TCERG1L: variants seen among roughly 807,000 people sequenced by gnomAD.
TCERG1L encodes the protein transcription elongation regulator 1-like protein.
In TCERG1L, 37 loss-of-function variants were observed where a neutral mutation model predicts 56.3. The observed-to-expected ratio is 0.66, with a 90% CI of 0.51 to 0.87. The LOEUF (loss-of-function observed/expected upper bound fraction) is 0.87, where lower values mean the gene tolerates loss of function less well. Among genes scored for constraint, TCERG1L ranks in the 40% least tolerant of loss-of-function variants. The pLI is 0.00. For missense variants in TCERG1L, 799 were observed against 774.2 expected (o/e 1.03, Z -0.38); for synonymous variants, 324 against 326.3 (o/e 0.99, Z 0.08).
chr10:131,208,820 G>A (rs944858951), intron 4 of TCERG1L, among the ~76,000 whole-genome samples: 2 of 152,188 alleles, frequency 1.3e-5, no homozygotes, highest in Admixed American at 6.5e-5. Context: ...CACTTTGGGA[G>A]ACCGAGGCGG....
chr10:131,220,472 GGC>G (rs1378905758), intron 4 of TCERG1L, among the ~76,000 whole-genome samples: 1 of 152,218 alleles, frequency 6.6e-6, no homozygotes, highest in Non-Finnish European at 1.5e-5. Context: ...GGGATCCCAG[GGC>G]TCCGTTCCTG....
chr10:131,188,733 T>G (rs1845273535), intron 4 of TCERG1L, among the ~76,000 whole-genome samples: 1 of 152,156 alleles, frequency 6.6e-6, no homozygotes, highest in Non-Finnish European at 1.5e-5. Flanking sequence ...AATTTAATTC[T>G]GAATAGACCA....
chr10:131,139,993 G>A (rs947484363), intron 7 of TCERG1L, among the ~76,000 whole-genome samples: 6 of 152,158 alleles, frequency 3.9e-5, no homozygotes, highest in African/African-American at 1.4e-4. Flanking sequence ...GTGAGTGGTG[G>A]GGAATATACC....
At chr10:131,137,405 C>T (rs1467827286) in intron 7 of TCERG1L, among the ~76,000 whole-genome samples, 1 of 152,234 alleles carries the variant, frequency 6.6e-6, no homozygotes, top group Non-Finnish European at 1.5e-5. Context: ...CATTCGGAGG[C>T]ACCGGGGCCT....
rs1030597673 is a variant in TCERG1L, at chr10:131,159,190, G to C, written c.1034+3932C>G. ...CCTTTCTCCTTTCTGTCAGCTCAGG[G>C]CAAACAGGCAAACCACACTGTGCCC... On this transcript the variant is annotated intron_variant, in intron 6 of 11. Transcript: ENST00000368642. 9.2e-5 allele frequency among the ~76,000 whole-genome samples: 14 copies of C among 152,220 alleles called. 1 individual carries two copies. Among genetic ancestry groups the C allele is most frequent in the Admixed American group, 2.6e-4 (4 of 15,286 alleles).
chr10:131,239,479 T>C (rs989283916), intron 4 of TCERG1L, among the ~76,000 whole-genome samples: 1 of 152,246 alleles, frequency 6.6e-6, no homozygotes, highest in Non-Finnish European at 1.5e-5. Context: ...TTTTACAGAT[T>C]TTGACAAGTG....
At chr10:131,248,875 G>T (rs1254700885) in intron 4 of TCERG1L, among the ~76,000 whole-genome samples, 1 of 152,204 alleles carries the variant, frequency 6.6e-6, no homozygotes, top group Non-Finnish European at 1.5e-5. Context: ...TTGTCTCAGA[G>T]TCGGCTTCTG....
chr10:131,255,410 T>C lies in TCERG1L; in HGVS notation c.856+4849A>G, dbSNP rs76066372. 7.9e-3 allele frequency among the ~76,000 whole-genome samples: 1,211 copies of C among 152,366 alleles called. 23 individuals carry two copies. The highest frequency in any genetic ancestry group is 0.027 in the African/African-American group (1,133 of 41,578). On this transcript the variant is annotated intron_variant, in intron 4 of 11. Transcript: ENST00000368642. Reference sequence around the variant, plus strand: ...ACATATTGTCTAGAGATAATGCATATGCATATGGTAAACATATATTTTTAA... The same window carrying C: ...ACATATTGTCTAGAGATAATGCATACGCATATGGTAAACATATATTTTTAA...
intron 3 of TCERG1L, among the ~76,000 whole-genome samples, chr10:131,285,530 AAGAAAAGAAAAG>A (rs1846526355): frequency 8.1e-5 from 4 of 49,372 alleles, no homozygotes; most frequent in African/African-American, 2.1e-4. Flanking sequence ...GAAAGAGAGA[AAGAAAAGAAAAG>A]AAAGAAAGGA....
At chr10:131,097,638 C>T (rs1291800032) in intron 11 of TCERG1L, among the ~76,000 whole-genome samples, 1 of 152,206 alleles carries the variant, frequency 6.6e-6, no homozygotes, top group Non-Finnish European at 1.5e-5. Context: ...TGAGCCACCG[C>T]GCCCGGCCCA....
intron 8 of TCERG1L, among the ~76,000 whole-genome samples, chr10:131,126,425 G>T (rs1845565492): frequency 6.6e-6 from 1 of 152,336 alleles, no homozygotes; most frequent in South Asian, 2.1e-4. Flanking sequence ...CACTCAGAAG[G>T]TGAAACACCT....
intron 6 of TCERG1L, among the ~76,000 whole-genome samples, chr10:131,154,724 G>A (rs1845901007): frequency 6.6e-6 from 1 of 152,172 alleles, no homozygotes; most frequent in Admixed American, 6.5e-5. Context: ...CTTCCCTCTT[G>A]AGTAGGTTCT....
intron 3 of TCERG1L, among the ~76,000 whole-genome samples, chr10:131,296,864 GTATTT>G (rs554074541): frequency 3.0e-3 from 457 of 152,294 alleles, no homozygotes; most frequent in Non-Finnish European, 5.4e-3. Context: ...AAAGGTACTT[GTATTT>G]TATTTTAACT....
rs530883706 is a variant in TCERG1L at position 131,302,729 on chromosome 10, C to T, written c.670+5482G>A. ...CACCATGGTGATTTGCTGTACCCAT[C>T]AACCCATCATCTACATTAGGCATTT... On this transcript the variant is annotated intron_variant, in intron 3 of 11. Coordinates refer to ENST00000368642, the MANE Select transcript of TCERG1L (RefSeq NM_174937.4). 3.0e-3 allele frequency among the ~76,000 whole-genome samples: 455 copies of T among 151,286 alleles called. 7 individuals are homozygous for T. Among genetic ancestry groups the T allele is most frequent in the African/African-American group, 0.011 (433 of 41,044 alleles).
At chr10:131,120,822 G>C (rs923438417) in intron 8 of TCERG1L, among the ~76,000 whole-genome samples, 5 of 152,174 alleles carry the variant, frequency 3.3e-5, no homozygotes, top group Non-Finnish European at 7.3e-5. Context: ...CTCTCGGAGC[G>C]ACCCCTCCTG....
At chr10:131,094,986 C>G (rs1177516668) in intron 11 of TCERG1L, among the ~76,000 whole-genome samples, 1 of 152,238 alleles carries the variant, frequency 6.6e-6, no homozygotes, top group Non-Finnish European at 1.5e-5. Context: ...TCCGTGGCCC[C>G]TTAGCCATGC....
chr10:131,149,261 C>T (rs1347521637), intron 6 of TCERG1L, among the ~76,000 whole-genome samples: 1 of 141,578 alleles, frequency 7.1e-6, no homozygotes, highest in African/African-American at 2.5e-5. Flanking sequence ...GGGGTGCTGC[C>T]CAGGCCCATG....
intron 6 of TCERG1L, among the ~76,000 whole-genome samples, chr10:131,155,521 C>T (rs543505680): frequency 1.3e-5 from 2 of 152,302 alleles, no homozygotes; most frequent in East Asian, 3.9e-4. Flanking sequence ...TGGGGGCTGC[C>T]GGGAGAGCCT....
rs762753426 is a variant in TCERG1L at position 131,093,388 on chromosome 10, G to C, written c.1605-70C>G. 41 of 1,556,104 alleles carry C rather than the reference G, an allele frequency of 2.6e-5. No individual in the cohort carries two copies. In the East Asian group the frequency reaches 9.2e-4, roughly 35 times the overall value. On this transcript the variant is annotated intron_variant, in intron 11 of 11. Coordinates refer to ENST00000368642, the MANE Select transcript of TCERG1L (RefSeq NM_174937.4). ...CTGGCCTCCCCAGAGATCCTGCAGC[G>C]GCACCGCCTGAGCAAGCATCCAGCC... is the stretch of plus-strand genomic sequence containing the variant.
Sources: allele counts gnomAD v4.1 joint callset (sites outside exome capture counted in the v4.1 genomes callset), GRCh38; gene constraint gnomAD v4.1.1; transcripts MANE v1.5; gene names NCBI Gene and HGNC (gene_info 2026-07-23, HGNC 2026-07-21).